Variants in GRIA4 observed in about 807,000 individuals in gnomAD.
The protein encoded by GRIA4 is glutamate receptor 4.
GRIA4 carries 34 observed loss-of-function variants against 104.0 expected under a neutral mutation model. The observed-to-expected ratio is 0.33, with a 90% CI of 0.25 to 0.44. The LOEUF is 0.44. GRIA4 is among the 20% of genes least tolerant of loss of function. GRIA4 has a pLI of 1.00. For missense variants in GRIA4, 750 were observed against 1,096.5 expected (o/e 0.68, Z 4.46); for synonymous variants, 386 against 381.9 (o/e 1.01, Z -0.13).
chr11:105,934,412 T>C (rs558943236), intron 14 of GRIA4, among the ~76,000 whole-genome samples: 21 of 152,272 alleles, frequency 1.4e-4, no homozygotes, highest in African/African-American at 4.8e-4. Context: ...TCCATTTCAA[T>C]ATTTTATTTA....
At chr11:105,695,507 T>C (rs1364204382) in intron 3 of GRIA4, among the ~76,000 whole-genome samples, 1 of 47,650 alleles carries the variant, frequency 2.1e-5, no homozygotes, top group Non-Finnish European at 4.9e-5. Context: ...TGTGTCTGTG[T>C]GTGTGTGCGT....
intron 14 of GRIA4, among the ~76,000 whole-genome samples, chr11:105,942,092 A>C (rs1271627172): frequency 6.6e-6 from 1 of 152,078 alleles, no homozygotes; most frequent in African/African-American, 2.4e-5. Flanking sequence ...AAAAAGCATG[A>C]GGAAATTTAA....
intron 4 of GRIA4, among the ~76,000 whole-genome samples, chr11:105,765,418 C>T (rs934060085): frequency 2.0e-5 from 3 of 152,168 alleles, no homozygotes; most frequent in Non-Finnish European, 4.4e-5. Context: ...CTACATTAGA[C>T]AAATCAGAGT....
chr11:105,681,561 T>TGGTAGCTAC (rs1217416674), intron 3 of GRIA4, among the ~76,000 whole-genome samples: 1 of 152,212 alleles, frequency 6.6e-6, no homozygotes, highest in African/African-American at 2.4e-5. Context: ...CTATCCAGTG[T>TGGTAGCTAC]GGTAGCTACA....
At chr11:105,628,934 C>T (rs1157982230) in intron 3 of GRIA4, among the ~76,000 whole-genome samples, 1 of 151,968 alleles carries the variant, frequency 6.6e-6, no homozygotes. Context: ...ATTTAGAAAA[C>T]GCCATCATCT....
intron 3 of GRIA4, among the ~76,000 whole-genome samples, chr11:105,644,772 G>C (rs909235945): frequency 2.0e-5 from 3 of 152,138 alleles, no homozygotes; most frequent in African/African-American, 7.2e-5. Context: ...GTTAGGAAAT[G>C]ATAGCCCACA....
chr11:105,848,663 G>C (rs1450546890), intron 4 of GRIA4, among the ~76,000 whole-genome samples: 1 of 152,080 alleles, frequency 6.6e-6, no homozygotes, highest in Non-Finnish European at 1.5e-5. Flanking sequence ...ACTCTAACTG[G>C]GTCATCAAAA....
intron 9 of GRIA4, among the ~76,000 whole-genome samples, chr11:105,907,050 G>A (rs1005685249): frequency 6.6e-6 from 1 of 152,160 alleles, no homozygotes; most frequent in Non-Finnish European, 1.5e-5. Flanking sequence ...AAAACTATAA[G>A]TGCAGAACAT....
chr11:105,784,620 TG>T lies in GRIA4; in HGVS notation c.487+31403del, dbSNP rs372958019. ...ATTTTCAGTAAATAATGAATGGGCT[TG>T]GGCTCTTTTGTACAAGCCATCTTTT... On this transcript the variant is annotated intron_variant, in intron 4 of 16. Transcript: ENST00000282499. Among the ~76,000 whole-genome samples, 1,057 of 152,282 alleles carry T rather than the reference TG, an allele frequency of 6.9e-3. 22 individuals are homozygous for T. The highest frequency in any genetic ancestry group is 0.025 in the African/African-American group (1,019 of 41,568).
At chr11:105,735,469 T>C (rs1399272731) in intron 3 of GRIA4, among the ~76,000 whole-genome samples, 1 of 152,174 alleles carries the variant, frequency 6.6e-6, no homozygotes, top group African/African-American at 2.4e-5. Flanking sequence ...TCATAAAATA[T>C]AGTTTAAATA....
intron 3 of GRIA4, among the ~76,000 whole-genome samples, chr11:105,647,236 A>G (rs1288396150): frequency 6.6e-6 from 1 of 152,206 alleles, no homozygotes; most frequent in African/African-American, 2.4e-5. Context: ...AATCAAAACC[A>G]CAATGAGATG....
At chr11:105,693,125 CAAAT>C (rs1269340495) in intron 3 of GRIA4, among the ~76,000 whole-genome samples, 4 of 151,994 alleles carry the variant, frequency 2.6e-5, no homozygotes, top group Non-Finnish European at 5.9e-5. Flanking sequence ...ACATCATAAA[CAAAT>C]AAAACAAAGG....
intron 14 of GRIA4, among the ~76,000 whole-genome samples, chr11:105,936,754 A>G (rs990025519): frequency 5.9e-5 from 9 of 152,212 alleles, no homozygotes. Flanking sequence ...AACAAATGCA[A>G]TAAGGATCAT....
At position 105,974,349 on chromosome 11, in the gene GRIA4, G is replaced by C; in HGVS notation, c.2449G>C (p.Val817Leu). 1 of 1,613,822 alleles carries C rather than the reference G, an allele frequency of 6.2e-7. No homozygotes were observed. The highest frequency in any genetic ancestry group is 8.5e-7 in the Non-Finnish European group (1 of 1,179,774). ...SALSLSNVAG[V>L]FYILVGGLGL... is the part of the protein sequence containing the mutation. ...CTTGAGCCTGAGCAATGTAGCAGGCGTCTTCTACATTCTGGTTGGCGGCTT... is the reference window on the plus strand; with the variant it reads ...CTTGAGCCTGAGCAATGTAGCAGGCCTCTTCTACATTCTGGTTGGCGGCTT... Residue 817 changes from valine (V) to leucine (L), a missense_variant, in exon 16 of 17, where the codon GTC (valine) becomes CTC (leucine). Coordinates refer to ENST00000282499, the MANE Select transcript of GRIA4 (RefSeq NM_000829.4).
intron 3 of GRIA4, among the ~76,000 whole-genome samples, chr11:105,717,140 G>A (rs1954119642): frequency 6.6e-6 from 1 of 151,994 alleles, no homozygotes; most frequent in African/African-American, 2.4e-5. Context: ...CATCTCCATA[G>A]AATGAGTCAC....
intron 4 of GRIA4, among the ~76,000 whole-genome samples, chr11:105,858,558 T>C (rs927177212): frequency 1.3e-5 from 2 of 152,172 alleles, no homozygotes; most frequent in African/African-American, 2.4e-5. Context: ...AATAAATTAT[T>C]GTTGACTTTA....
intron 3 of GRIA4, among the ~76,000 whole-genome samples, chr11:105,676,416 T>C (rs918602411): frequency 6.6e-6 from 1 of 151,752 alleles, no homozygotes; most frequent in Non-Finnish European, 1.5e-5. Context: ...CTAAAAAAAC[T>C]ATTTTGAACT....
chr11:105,685,655 G>C (rs542796370), intron 3 of GRIA4, among the ~76,000 whole-genome samples: 1 of 152,290 alleles, frequency 6.6e-6, no homozygotes, highest in South Asian at 2.1e-4. Context: ...GTTTCAAGGT[G>C]AATTAGTTTG....
intron 14 of GRIA4, among the ~76,000 whole-genome samples, chr11:105,971,541 G>A (rs1485440730): frequency 6.6e-6 from 1 of 152,168 alleles, no homozygotes; most frequent in Admixed American, 6.5e-5. Context: ...ATTTCAGTCT[G>A]TCTGTCAACC....
Sources: allele counts gnomAD v4.1 joint callset (sites outside exome capture counted in the v4.1 genomes callset), GRCh38; gene constraint gnomAD v4.1.1; transcripts MANE v1.5; gene names NCBI Gene and HGNC (gene_info 2026-07-23, HGNC 2026-07-21).